Variants in TYRO3 observed in about 807,000 individuals in gnomAD.
TYRO3 encodes TYRO3 protein tyrosine kinase, also known as tyrosine-protein kinase receptor TYRO3.
A neutral mutation model predicts 95.2 loss-of-function variants in TYRO3; 38 were observed. That is an observed-to-expected ratio of 0.40 (90% CI 0.31 to 0.52). The LOEUF (loss-of-function observed/expected upper bound fraction) is 0.52, where lower values mean the gene tolerates loss of function less well. TYRO3 is among the 20% of genes least tolerant of loss of function. The probability of loss-of-function intolerance (pLI) is 0.56; values close to 1 mark genes in which losing one functional copy is unlikely to be tolerated. For missense variants in TYRO3, 812 were observed against 1,116.4 expected, an observed-to-expected ratio of 0.73 and a Z score of 3.89; for synonymous variants, 367 against 432.9, an observed-to-expected ratio of 0.85 and a Z score of 1.89.
Position 41,568,380 on chromosome 15 carries a change from C to G in TYRO3, c.1107+18C>G, listed in dbSNP as rs1566900802. 6.5e-7 allele frequency: 1 copy of G among 1,545,496 alleles called. No individual in the cohort carries two copies. Among genetic ancestry groups the G allele is most frequent in the Non-Finnish European group, 8.9e-7 (1 of 1,129,452 alleles). On this transcript the variant is annotated intron_variant, in intron 8 of 18. Transcript: ENST00000263798. ...GAACCCAGGTAAGACAGAACCCTCCCCTCTCTCCACTCTCCTGGAGTATAA... is the reference window on the plus strand; with the variant it reads ...GAACCCAGGTAAGACAGAACCCTCCGCTCTCTCCACTCTCCTGGAGTATAA...
At position 41,578,048 on chromosome 15, in the gene TYRO3, G is replaced by A. The variant is rs61553785; in HGVS notation, c.2445G>A (p.Ala815=). ...TCGAGAGAGCTGAGGAGCCCACTGC[G>A]GGAGGCAGCCTGGAGCTACCTGGCA... ...INIERAEEPT[A]GGSLELPGRD... Residue 815 remains alanine (A), a synonymous_variant, in exon 19 of 19, where the codon GCG becomes GCA. Coordinates refer to ENST00000263798, the MANE Select transcript of TYRO3 (RefSeq NM_006293.4). 25 of 1,613,974 alleles carry A rather than the reference G, an allele frequency of 1.5e-5. No homozygotes were observed. Among genetic ancestry groups the A allele is most frequent in the Middle Eastern group, 1.7e-4 (1 of 6,052 alleles).
intron 1 of TYRO3, among the ~76,000 whole-genome samples, chr15:41,560,908 C>G (rs35679807): frequency 0.2 from 30,938 of 152,144 alleles, 4,707 homozygotes; most frequent in African/African-American, 0.43. Flanking sequence ...GGGAAGAGGT[C>G]CTTAGAGCCG....
intron 3 of TYRO3, 128 bp downstream of exon 3, chr15:41,561,767 A>C: frequency 1.5e-6 from 1 of 654,596 alleles, no homozygotes; most frequent in Non-Finnish European, 2.5e-6. Context: ...CTGGTTGTCC[A>C]GGCTGTAGGC....
intron 12 of TYRO3, 46 bp from the exon 13 acceptor site, chr15:41,570,992 G>A: frequency 6.3e-7 from 1 of 1,585,398 alleles, no homozygotes; most frequent in Non-Finnish European, 8.7e-7. Flanking sequence ...GGTTGGCAGG[G>A]AGCAGAGAGC....
intron 11 of TYRO3, 64 bp downstream of exon 11, chr15:41,570,404 A>C: frequency 1.3e-6 from 2 of 1,554,010 alleles, no homozygotes; most frequent in African/African-American, 1.4e-5. Context: ...GCATTCTTTT[A>C]CCAAATTATT....
rs778944294 is a variant in TYRO3 at position 41,577,953 on chromosome 15, A to T, written c.2350A>T (p.Met784Leu). Residue 784 changes from methionine to leucine, a missense_variant, in exon 19 of 19, where the codon ATG becomes TTG. By Grantham distance (15) the Met-to-Leu change is conservative (BLOSUM62 2). Transcript: ENST00000263798. ...GCGCCCGAGCTTTACTTGTCTGCGA[A>T]TGGAACTGGAGAACATCTTGGGCCA... ...KQRPSFTCLR[M>L]ELENILGQLS... is the part of the protein sequence containing the mutation. 6 of 1,613,548 alleles carry T rather than the reference A, an allele frequency of 3.7e-6. No individual in the cohort carries two copies. Among genetic ancestry groups the T allele is most frequent in the Non-Finnish European group, 5.1e-6 (6 of 1,180,050 alleles).
chr15:41,559,232 C>A lies in TYRO3; in HGVS notation c.-26C>A. ...CCTCCCTCCTCGCTCGCGGGCCGGG[C>A]CCGGCATGGTGCGGCGTCGCCGCCG... On this transcript the variant is annotated 5_prime_UTR_variant, in exon 1 of 19. Coordinates refer to ENST00000263798, the MANE Select transcript of TYRO3 (RefSeq NM_006293.4). The A allele has an allele frequency of 3.0e-6, 1 of 336,390 alleles. No homozygotes were observed. The highest frequency in any genetic ancestry group is 5.1e-6 in the Non-Finnish European group (1 of 197,090). The allele number at this position is 336,390 out of a possible 1,614,324, so 20.8% of individuals were successfully genotyped here.
chr15:41,572,483 C>A lies in TYRO3; in HGVS notation c.1794C>A (p.Ile598=), dbSNP rs756406147. 13 of 1,614,126 alleles carry A rather than the reference C, an allele frequency of 8.1e-6. No homozygotes were observed. The East Asian group carries it at 2.2e-4, about 28-fold the overall frequency. ...GCAGGGCTAAAGGCCGTCTCCCCAT[C>A]CCCATGGTCATCTTGCCCTTCATGA... The part of the protein sequence containing the change: ...LRSRAKGRLP[I]PMVILPFMKH... Residue 598 remains isoleucine, a synonymous_variant, in exon 15 of 19, where the codon ATC becomes ATA. Coordinates refer to ENST00000263798, the MANE Select transcript of TYRO3 (RefSeq NM_006293.4).
chr15:41,569,067 G>A, intron 9 of TYRO3, 45 bp downstream of exon 9: 1 of 1,607,740 alleles, frequency 6.2e-7, no homozygotes, highest in African/African-American at 1.3e-5. Context: ...GGGGATCAAG[G>A]TTTTCAAGGG....
In TYRO3 at chr15:41,582,997, G is replaced by GTTTTTTTTTTGTTT. The variant is rs762976631; in HGVS notation, c.*4731_*4732insGTTTTTTTTTTTTT. ...CACTGCACCTGGCAAATTTTTAAGT[G>GTTTTTTTTTTGTTT]TTTTTTTTTTTTTTTAATACAGAGC... is the stretch of plus-strand genomic sequence containing the variant. On this transcript the variant is annotated 3_prime_UTR_variant, in exon 19 of 19. Transcript: ENST00000263798. The GTTTTTTTTTTGTTT allele has an allele frequency of 9.4e-6, 1 of 106,110 alleles. No individual in the cohort carries two copies. The highest frequency in any genetic ancestry group is 3.6e-5 in the African/African-American group (1 of 27,930). 6.6% of individuals were successfully genotyped at this position (106,110 alleles called of 1,614,324 possible). A position where few individuals can be genotyped will look rare whatever the true frequency, so the allele number is the denominator to read the frequency against.
intron 2 of TYRO3, 94 bp from the exon 3 acceptor site, chr15:41,561,444 CT>C: frequency 6.6e-7 from 1 of 1,508,184 alleles, no homozygotes; most frequent in Non-Finnish European, 9.0e-7. Context: ...CCTGTGGGAC[CT>C]TCCAGAAGTG....
intron 15 of TYRO3, 114 bp from the exon 16 acceptor site, chr15:41,572,888 T>C: frequency 1.3e-6 from 1 of 787,458 alleles, no homozygotes; most frequent in Non-Finnish European, 2.0e-6. Context: ...ATCCCCTTCC[T>C]TCCTTCCAGT....
chr15:41,563,518 C>T (rs1008528054), intron 4 of TYRO3, among the ~76,000 whole-genome samples: 1 of 152,068 alleles, frequency 6.6e-6, no homozygotes, highest in Non-Finnish European at 1.5e-5. Context: ...AAGTGCAGGT[C>T]CTGTTCAGGA....
At chr15:41,568,500 C>G (rs2289743) in intron 8 of TYRO3, 138 bp downstream of exon 8, 223,172 of 812,234 alleles carry the variant, frequency 0.27, 32,633 homozygotes, top group Admixed American at 0.38. Flanking sequence ...TCCTCCTCAC[C>G]CTCCTCTGCA....
At chr15:41,569,125 G>A (rs1421194682) in intron 9 of TYRO3, 103 bp downstream of exon 9, 10 of 1,365,778 alleles carry the variant, frequency 7.3e-6, no homozygotes, top group East Asian at 2.3e-5. Context: ...CCTCCTAGTA[G>A]ACCCACAGAC....
chr15:41,568,644 C>T lies in TYRO3; in HGVS notation c.1108-234C>T, dbSNP rs549308066. Among the ~76,000 whole-genome samples, 35 of 152,284 alleles carry T rather than the reference C, an allele frequency of 2.3e-4. No individual in the cohort carries two copies. The South Asian group carries it at 7.3e-3, about 32-fold the overall frequency. ...AAGGCTTTGTCCCCAGCTCAGTTCG[C>T]TCCCATCCCCCACCTGTGCATTCCG... On this transcript the variant is annotated intron_variant, in intron 8 of 18. Transcript: ENST00000263798.
chr15:41,569,912 G>A, intron 9 of TYRO3, 115 bp from the exon 10 acceptor site: 1 of 1,341,860 alleles, frequency 7.5e-7, no homozygotes, highest in Non-Finnish European at 1.0e-6. Context: ...TTTCCCTCAG[G>A]ACCCTTATTG....
intron 1 of TYRO3, among the ~76,000 whole-genome samples, chr15:41,560,709 G>A (rs1457499522): frequency 6.6e-6 from 1 of 150,752 alleles, no homozygotes; most frequent in Non-Finnish European, 1.5e-5. Context: ...ATTTGGTAAG[G>A]TTGGGTGCAG....
chr15:41,577,330 GTTTA>G (rs1443411911), intron 18 of TYRO3: 1 of 151,912 alleles, frequency 6.6e-6, no homozygotes. Context: ...TTATTTGTTT[GTTTA>G]TTTATTTTGA....
Sources: allele counts gnomAD v4.1 joint callset (sites outside exome capture counted in the v4.1 genomes callset), GRCh38; gene constraint gnomAD v4.1.1; transcripts MANE v1.5; gene names NCBI Gene and HGNC (gene_info 2026-07-23, HGNC 2026-07-21).